Variants in MAPK4 observed in about 807,000 individuals in gnomAD.
MAPK4 encodes Erk3-related.
A neutral mutation model predicts 47.7 loss-of-function variants in MAPK4; 22 were observed. The observed-to-expected ratio is 0.46, with a 90% CI of 0.33 to 0.66. The LOEUF is 0.66. Among genes scored for constraint, MAPK4 ranks in the 30% least tolerant of loss-of-function variants. The pLI, the probability that MAPK4 is intolerant of heterozygous loss-of-function variation, is 0.02. For missense variants in MAPK4, 736 were observed against 831.7 expected, an observed-to-expected ratio of 0.88 and a Z score of 1.42; for synonymous variants, 390 against 365.7, an observed-to-expected ratio of 1.07 and a Z score of -0.76.
intron 2 of MAPK4, among the ~76,000 whole-genome samples, chr18:50,709,109 G>A (rs115984698): frequency 0.014 from 2,104 of 152,082 alleles, 36 homozygotes; most frequent in African/African-American, 0.046. Flanking sequence ...CAGCTCTCAC[G>A]CCCACCCCTT....
intron 1 of MAPK4, among the ~76,000 whole-genome samples, chr18:50,563,112 C>G (rs1187746347): frequency 6.6e-6 from 1 of 152,152 alleles, no homozygotes; most frequent in East Asian, 1.9e-4. Context: ...TTGAAAGCCT[C>G]TCTGAAATCT....
intron 5 of MAPK4, among the ~76,000 whole-genome samples, chr18:50,727,662 G>A (rs568137647): frequency 6.6e-6 from 1 of 152,196 alleles, no homozygotes; most frequent in East Asian, 1.9e-4. Context: ...GTTGTGCCAG[G>A]AAAAACTGTC....
At chr18:50,662,314 T>C (rs1331723326) in intron 1 of MAPK4, among the ~76,000 whole-genome samples, 1 of 152,202 alleles carries the variant, frequency 6.6e-6, no homozygotes, top group Non-Finnish European at 1.5e-5. Flanking sequence ...GGGTTTTTCC[T>C]CCCCACTTAG....
chr18:50,642,476 C>T (rs1184396391), intron 1 of MAPK4, among the ~76,000 whole-genome samples: 1 of 152,166 alleles, frequency 6.6e-6, no homozygotes, highest in Non-Finnish European at 1.5e-5. Context: ...TATGAAACAA[C>T]CACCCCAATA....
chr18:50,579,125 G>C (rs1025247049), intron 1 of MAPK4, among the ~76,000 whole-genome samples: 1 of 152,204 alleles, frequency 6.6e-6, no homozygotes, highest in African/African-American at 2.4e-5. Flanking sequence ...TTTGAGGGGT[G>C]TAAGCAGGAG....
At chr18:50,598,469 A>G (rs1344523468) in intron 1 of MAPK4, among the ~76,000 whole-genome samples, 1 of 152,354 alleles carries the variant, frequency 6.6e-6, no homozygotes, top group Admixed American at 6.5e-5. Flanking sequence ...AAAAAAAATC[A>G]TCTCAAGAAC....
intron 2 of MAPK4, among the ~76,000 whole-genome samples, chr18:50,689,886 TAAC>T (rs1909116201): frequency 6.6e-6 from 1 of 152,202 alleles, no homozygotes; most frequent in Admixed American, 6.5e-5. Flanking sequence ...CCAATAACAA[TAAC>T]AACAACACTT....
intron 1 of MAPK4, among the ~76,000 whole-genome samples, chr18:50,562,885 T>C (rs544066786): frequency 1.3e-5 from 2 of 152,272 alleles, no homozygotes; most frequent in South Asian, 4.1e-4. Context: ...ATAAAAAATA[T>C]TCTCACCACA....
Position 50,612,819 on chromosome 18 carries a change from G to A in MAPK4, c.-870-50270G>A, listed in dbSNP as rs189447943. Reference sequence around the variant, plus strand: ...CTAGAATCTTCTAACTAGACAGAAAGCAGAAAGTGACAGGTTCCCATCTTG... The same window carrying A: ...CTAGAATCTTCTAACTAGACAGAAAACAGAAAGTGACAGGTTCCCATCTTG... On this transcript the variant is annotated intron_variant, in intron 1 of 5. Coordinates refer to ENST00000400384, the MANE Select transcript of MAPK4 (RefSeq NM_002747.4). Among the ~76,000 whole-genome samples, 86 of 152,304 alleles carry A rather than the reference G, an allele frequency of 5.6e-4. 1 individual carries two copies. In the East Asian group the frequency reaches 0.011, roughly 19 times the overall value.
At chr18:50,707,668 A>C (rs1433869375) in intron 2 of MAPK4, among the ~76,000 whole-genome samples, 1 of 152,094 alleles carries the variant, frequency 6.6e-6, no homozygotes, top group Non-Finnish European at 1.5e-5. Flanking sequence ...TATGCTTAAC[A>C]GTTAAAATGG....
rs557873312 is a variant in MAPK4 at position 50,673,680 on chromosome 18, C to G, written c.546+9176C>G. Among the ~76,000 whole-genome samples, 3 of 152,180 alleles carry G rather than the reference C, an allele frequency of 2.0e-5. No homozygotes were observed. In the East Asian group the frequency reaches 5.8e-4, roughly 29 times the overall value. On this transcript the variant is annotated intron_variant, in intron 2 of 5. Transcript: ENST00000400384. Reference sequence around the variant, plus strand: ...GACCATCCTGGCTAACATGGTGAAACCCAGTCTCTACTAAAAATACAAAAA... The same window carrying G: ...GACCATCCTGGCTAACATGGTGAAAGCCAGTCTCTACTAAAAATACAAAAA...
intron 1 of MAPK4, among the ~76,000 whole-genome samples, chr18:50,570,644 C>T (rs1011006145): frequency 6.6e-6 from 1 of 152,192 alleles, no homozygotes; most frequent in Admixed American, 6.5e-5. Context: ...TCAAGACAGC[C>T]TTTCCAGATG....
rs983749579 is a variant in MAPK4 at position 50,663,131 on chromosome 18, C to T, written c.-828C>T. ...GAAAGATGCCACATTCCTGCAGCCTCTCTTGGTGCAGTGGAATACAGTCTT... is the reference window on the plus strand; with the variant it reads ...GAAAGATGCCACATTCCTGCAGCCTTTCTTGGTGCAGTGGAATACAGTCTT... On this transcript the variant is annotated 5_prime_UTR_variant, in exon 2 of 6. Transcript: ENST00000400384. The T allele has an allele frequency of 1.3e-5, 2 of 152,250 alleles. No homozygotes were observed. The highest frequency in any genetic ancestry group is 4.8e-5 in the African/African-American group (2 of 41,446). 9.4% of individuals were successfully genotyped at this position (152,250 alleles called of 1,614,324 possible).
chr18:50,616,290 C>T (rs1390631343), intron 1 of MAPK4, among the ~76,000 whole-genome samples: 1 of 152,144 alleles, frequency 6.6e-6, no homozygotes, highest in African/African-American at 2.4e-5. Context: ...ATTGAAATCC[C>T]AGCTCTGCTG....
At chr18:50,668,677 C>T (rs1907746402) in intron 2 of MAPK4, among the ~76,000 whole-genome samples, 2 of 152,208 alleles carry the variant, frequency 1.3e-5, no homozygotes, top group South Asian at 2.1e-4. Flanking sequence ...TCACTCATCT[C>T]GCCAACTGCA....
intron 1 of MAPK4, among the ~76,000 whole-genome samples, chr18:50,580,564 A>T (rs768119131): frequency 6.6e-6 from 1 of 152,190 alleles, no homozygotes; most frequent in Non-Finnish European, 1.5e-5. Context: ...CCATCAACCT[A>T]TGGCTGGCTA....
At chr18:50,717,257 G>A (rs540029329) in intron 3 of MAPK4, among the ~76,000 whole-genome samples, 1 of 152,342 alleles carries the variant, frequency 6.6e-6, no homozygotes, top group African/African-American at 2.4e-5. Context: ...GCGAGTATCA[G>A]AGTGGCAGAC....
At chr18:50,584,662 A>G (rs1177376470) in intron 1 of MAPK4, among the ~76,000 whole-genome samples, 1 of 152,222 alleles carries the variant, frequency 6.6e-6, no homozygotes, top group African/African-American at 2.4e-5. Context: ...GTTAAGCACT[A>G]GTTCTCTCTA....
chr18:50,690,291 G>A (rs1043736694), intron 2 of MAPK4, among the ~76,000 whole-genome samples: 2 of 152,210 alleles, frequency 1.3e-5, no homozygotes, highest in Non-Finnish European at 1.5e-5. Context: ...ATACGTTCAG[G>A]TTGAGCTTTT....
Sources: gnomAD v4.1 joint callset for allele counts (sites outside exome capture counted in the v4.1 genomes callset) on GRCh38, gnomAD v4.1.1 for gene constraint, MANE v1.5 for transcripts, NCBI Gene and HGNC (gene_info 2026-07-23, HGNC 2026-07-21) for gene names.